Variants in LHX2 observed in about 807,000 individuals in gnomAD.
LHX2 encodes LIM/homeobox protein Lhx2.
Under a neutral mutation model 33.0 loss-of-function variants are expected in LHX2, and 6 were observed. The ratio of observed to expected loss-of-function variants is 0.18; its 90% confidence interval spans 0.10 to 0.36. The LOEUF (loss-of-function observed/expected upper bound fraction) is 0.36. Among genes scored for constraint, LHX2 ranks in the 10% least tolerant of loss-of-function variants. LHX2 has a pLI of 1.00. For synonymous variants in LHX2, 292 were observed against 253.1 expected (o/e 1.15, Z -1.46); for missense variants, 442 against 586.2 (o/e 0.75, Z 2.54).
intron 4 of LHX2, among the ~76,000 whole-genome samples, chr9:124,031,101 G>A (rs751815489): frequency 6.6e-5 from 10 of 152,138 alleles, no homozygotes; most frequent in Non-Finnish European, 1.3e-4. Flanking sequence ...CCCGCCGCAC[G>A]TCCCTCATAA....
intron 4 of LHX2, among the ~76,000 whole-genome samples, chr9:124,028,317 G>T (rs1316577912): frequency 6.6e-6 from 1 of 152,202 alleles, no homozygotes; most frequent in Non-Finnish European, 1.5e-5. Context: ...GGTGTTAGTT[G>T]TGTCCTGATG....
chr9:124,032,587 G>T lies in LHX2; in HGVS notation c.1101G>T (p.Leu367=). ...SLSPSSTPTT[L]TDLTSPTLPT... ...GCCCCTCCAGCACGCCCACCACCCT[G>T]ACAGACTTGACTAGCCCCACCCTGC... The change falls in exon 5 of 5, where the codon CTG becomes CTT. Residue 367 remains leucine (L), a synonymous_variant. Transcript: ENST00000373615. The surrounding 1 kb of genome is among the most constrained non-coding windows in gnomAD (Gnocchi z 4.1). 1 of 1,614,136 alleles carries T rather than the reference G, an allele frequency of 6.2e-7. No homozygotes were observed. The highest frequency in any genetic ancestry group is 1.1e-5 in the South Asian group (1 of 91,076).
chr9:124,018,725 G>T (rs1232200558), intron 3 of LHX2, among the ~76,000 whole-genome samples: 1 of 152,064 alleles, frequency 6.6e-6, no homozygotes, highest in African/African-American at 2.4e-5. Context: ...GGTTCTCCTG[G>T]CTCCTTCGCT....
In LHX2 at chr9:124,032,110, C is replaced by T. The variant is rs1828710115; in HGVS notation, c.934-310C>T. Reference sequence around the variant, plus strand: ...AAAAGTTAGCGGGGCCGGTGGTGCTCACCTATCTATAGCCCCAGCTACCCA... The same window carrying T: ...AAAAGTTAGCGGGGCCGGTGGTGCTTACCTATCTATAGCCCCAGCTACCCA... On this transcript the variant is annotated intron_variant, in intron 4 of 4. Coordinates refer to ENST00000373615, the MANE Select transcript of LHX2 (RefSeq NM_004789.4). This position sits in a 1 kb window ranked among gnomAD's most constrained non-coding sequence, Gnocchi z 4.1. The T allele has an allele frequency of 3.2e-6, 1 of 310,658 alleles. No homozygotes were observed. Among genetic ancestry groups the T allele is most frequent in the Non-Finnish European group, 5.9e-6 (1 of 170,808 alleles). The allele number at this position is 310,658 out of a possible 1,614,324, so 19.2% of individuals were successfully genotyped here.
chr9:124,015,599 T>C lies in LHX2; in HGVS notation c.727+74T>C. The stretch of plus-strand genomic sequence containing the variant: ...GCGGCCTCGACGGCCGGGAGCTGGA[T>C]TGAATCTCTGTGTGCTGGGCAAATA... On this transcript the variant is annotated intron_variant, in intron 3 of 4. Coordinates refer to ENST00000373615, the MANE Select transcript of LHX2 (RefSeq NM_004789.4). This position sits in a 1 kb window ranked among gnomAD's most constrained non-coding sequence, Gnocchi z 7.9. 1.4e-6 allele frequency: 2 copies of C among 1,410,070 alleles called. No individual in the cohort carries two copies. The highest frequency in any genetic ancestry group is 1.9e-6 in the Non-Finnish European group (2 of 1,067,534). 87.3% of individuals were successfully genotyped at this position (1,410,070 alleles called of 1,614,324 possible). A position where few individuals can be genotyped will look rare whatever the true frequency, so the allele number is the denominator to read the frequency against.
rs1859176023 is a variant in LHX2, at chr9:124,015,640, C to T, written c.727+115C>T. The T allele has an allele frequency of 1.1e-5, 13 of 1,182,402 alleles. No homozygotes were observed. Among genetic ancestry groups the T allele is most frequent in the Non-Finnish European group, 1.4e-5 (12 of 875,754 alleles). The allele number at this position is 1,182,402 out of a possible 1,614,324, so 73.2% of individuals were successfully genotyped here. A position where few individuals can be genotyped will look rare whatever the true frequency, so the allele number is the denominator to read the frequency against. ...TGGGCAAATAGCGAGCCTTAAGCAC[C>T]GGACGGCCTCGCAGAAGGGACATTA... On this transcript the variant is annotated intron_variant, in intron 3 of 4. Coordinates refer to ENST00000373615, the MANE Select transcript of LHX2 (RefSeq NM_004789.4). The surrounding 1 kb of genome is among the most constrained non-coding windows in gnomAD (Gnocchi z 7.9).
In LHX2 at chr9:124,021,136, C is replaced by T. The variant is rs61734362; in HGVS notation, c.765C>T (p.Asp255=). The T allele has an allele frequency of 2.7e-3, 4,362 of 1,614,130 alleles. 142 individuals carry two copies. The Admixed American group carries it at 0.055, about 20-fold the overall frequency. The part of the protein sequence containing the change: ...SCNENDAEHL[D]RDQPYPSSQK... ...ACGAAAACGACGCAGAGCACCTGGA[C>T]CGTGACCAGCCATACCCGAGCAGCC... Residue 255 remains aspartate, a synonymous_variant, in exon 4 of 5, where the codon GAC becomes GAT. Transcript: ENST00000373615.
chr9:124,023,991 T>A (rs541301419), intron 4 of LHX2, among the ~76,000 whole-genome samples: 4 of 152,166 alleles, frequency 2.6e-5, no homozygotes, highest in Admixed American at 2.6e-4. Context: ...CCAAATGATC[T>A]CCACTTGCCC....
intron 4 of LHX2, among the ~76,000 whole-genome samples, chr9:124,026,198 C>G (rs1003093429): frequency 3.3e-5 from 5 of 152,164 alleles, no homozygotes; most frequent in African/African-American, 1.2e-4. Context: ...GTGGCTCACG[C>G]CTGTAATTCC....
At chr9:124,030,972 C>A (rs907935256) in intron 4 of LHX2, among the ~76,000 whole-genome samples, 2 of 151,986 alleles carry the variant, frequency 1.3e-5, no homozygotes, top group Admixed American at 1.3e-4. Flanking sequence ...TGCTTACAGG[C>A]GTGTGTGCAA....
chr9:124,016,314 C>G lies in LHX2; in HGVS notation c.727+789C>G, dbSNP rs942705000. ...AGGCCATTCCCGGAGAAGCTCTGCC[C>G]CCTCCCGCGCCCCTCCCTGCTCAGG... On this transcript the variant is annotated intron_variant, in intron 3 of 4. Coordinates refer to ENST00000373615, the MANE Select transcript of LHX2 (RefSeq NM_004789.4). This position sits in a 1 kb window ranked among gnomAD's most constrained non-coding sequence, Gnocchi z 4.4. 3.3e-5 allele frequency among the ~76,000 whole-genome samples: 5 copies of G among 152,152 alleles called. No homozygotes were observed. The highest frequency in any genetic ancestry group is 1.2e-4 in the African/African-American group (5 of 41,424).
chr9:124,017,666 C>A (rs1352413155), intron 3 of LHX2, among the ~76,000 whole-genome samples: 1 of 152,316 alleles, frequency 6.6e-6, no homozygotes, highest in East Asian at 1.9e-4. Flanking sequence ...CTTGCAAAGC[C>A]TCTTGCTCTG....
In LHX2 at chr9:124,015,054, C is replaced by T. The variant is rs1190809870; in HGVS notation, c.324-68C>T. 1 of 1,569,280 alleles carries T rather than the reference C, an allele frequency of 6.4e-7. No individual in the cohort carries two copies. The stretch of plus-strand genomic sequence containing the variant: ...ATTGCCCCCCGCAGCAGCAGCGGCA[C>T]CTGGAGGAGGAAAAGGGGGGTACCC... On this transcript the variant is annotated intron_variant, in intron 2 of 4. Coordinates refer to ENST00000373615, the MANE Select transcript of LHX2 (RefSeq NM_004789.4). This position sits in a 1 kb window ranked among gnomAD's most constrained non-coding sequence, Gnocchi z 7.9.
chr9:124,028,048 C>T (rs1390195237), intron 4 of LHX2, among the ~76,000 whole-genome samples: 1 of 152,180 alleles, frequency 6.6e-6, no homozygotes, highest in Non-Finnish European at 1.5e-5. Context: ...TTAAAAATGC[C>T]ATGATGGGCA....
At chr9:124,018,045 T>A (rs1236316030) in intron 3 of LHX2, among the ~76,000 whole-genome samples, 1 of 151,542 alleles carries the variant, frequency 6.6e-6, no homozygotes, top group Non-Finnish European at 1.5e-5. Context: ...CCCCAGCTTT[T>A]TGTGTGTGTG....
At chr9:124,029,629 G>A (rs1027267681) in intron 4 of LHX2, among the ~76,000 whole-genome samples, 4 of 152,152 alleles carry the variant, frequency 2.6e-5, no homozygotes, top group South Asian at 2.1e-4. Flanking sequence ...GCAACTAACC[G>A]GGTCCAGCCC....
rs1859118833 is a variant in LHX2 at position 124,012,948 on chromosome 9, G to T, written c.120+480G>T. Among the ~76,000 whole-genome samples the T allele has an allele frequency of 6.6e-6, 1 of 152,230 alleles. No homozygotes were observed. The highest frequency in any genetic ancestry group is 1.5e-5 in the Non-Finnish European group (1 of 68,044). On this transcript the variant is annotated intron_variant, in intron 1 of 4. Coordinates refer to ENST00000373615, the MANE Select transcript of LHX2 (RefSeq NM_004789.4). The surrounding 1 kb of genome is among the most constrained non-coding windows in gnomAD (Gnocchi z 4.3). ...CTCAACCCCCAGCGCAGTTTCAGAG[G>T]CCGAAGTCTTCGGGGCCAACATTTG...
chr9:124,013,993 G>T lies in LHX2; in HGVS notation c.153G>T (p.Ala51=), dbSNP rs149553241. 28 of 1,613,334 alleles carry T rather than the reference G, an allele frequency of 1.7e-5. No homozygotes were observed. The highest frequency in any genetic ancestry group is 1.6e-4 in the African/African-American group (12 of 75,082). Residue 51 remains alanine (A), a synonymous_variant, in exon 2 of 5, where the codon GCG becomes GCT. Coordinates refer to ENST00000373615, the MANE Select transcript of LHX2 (RefSeq NM_004789.4). Reference sequence around the variant, plus strand: ...CGTCCATCAGCAGTGACCGCGCCGCGCTGTGCGCCGGCTGCGGGGGCAAGA... The same window carrying T: ...CGTCCATCAGCAGTGACCGCGCCGCTCTGTGCGCCGGCTGCGGGGGCAAGA... ...TMPSISSDRA[A]LCAGCGGKIS...
In LHX2 at chr9:124,032,805, T is replaced by A; in HGVS notation, c.*98T>A. 7.6e-7 allele frequency: 1 copy of A among 1,321,568 alleles called. No homozygotes were observed. Among genetic ancestry groups the A allele is most frequent in the Non-Finnish European group, 1.0e-6 (1 of 968,900 alleles). The allele number at this position is 1,321,568 out of a possible 1,614,324, so 81.9% of individuals were successfully genotyped here. On this transcript the variant is annotated 3_prime_UTR_variant, in exon 5 of 5. Transcript: ENST00000373615. The surrounding 1 kb of genome is among the most constrained non-coding windows in gnomAD (Gnocchi z 4.1). ...AAAATAGAGGCTTTGAGCAACTAACTAACCACATTTTAGGATCTCGCCTGG... is the reference window on the plus strand; with the variant it reads ...AAAATAGAGGCTTTGAGCAACTAACAAACCACATTTTAGGATCTCGCCTGG...
Sources: allele counts gnomAD v4.1 joint callset (sites outside exome capture counted in the v4.1 genomes callset), GRCh38; gene constraint gnomAD v4.1.1; non-coding constraint Gnocchi (gnomAD v3.1); transcripts MANE v1.5; gene names NCBI Gene and HGNC (gene_info 2026-07-23, HGNC 2026-07-21).